Variants in KCNK1 observed in about 807,000 individuals in gnomAD.
KCNK1 encodes the protein potassium two pore domain channel subfamily K member 1.
KCNK1 carries 10 observed loss-of-function variants against 22.2 expected under a neutral mutation model. The observed-to-expected ratio is 0.45, with a 90% CI of 0.28 to 0.76. The LOEUF (loss-of-function observed/expected upper bound fraction) is 0.76. Among genes scored for constraint, KCNK1 ranks in the 30% least tolerant of loss-of-function variants. The pLI, the probability that KCNK1 is intolerant of heterozygous loss-of-function variation, is 0.14. For synonymous variants in KCNK1, 200 were observed against 186.4 expected, an observed-to-expected ratio of 1.07 and a Z score of -0.60; for missense variants, 378 against 421.0, an observed-to-expected ratio of 0.90 and a Z score of 0.89.
chr1:233,616,072 C>G (rs1657484120), intron 1 of KCNK1, among the ~76,000 whole-genome samples: 1 of 152,212 alleles, frequency 6.6e-6, no homozygotes, highest in African/African-American at 2.4e-5. Context: ...TTTACCTAGT[C>G]CTCTGTTCCT....
intron 1 of KCNK1, among the ~76,000 whole-genome samples, chr1:233,630,123 C>T (rs182112059): frequency 3.0e-3 from 456 of 152,156 alleles, no homozygotes; most frequent in Middle Eastern, 3.4e-3. Context: ...TGGATTCAGC[C>T]GTAAAATGAT....
chr1:233,634,170 G>A (rs1657856286), intron 1 of KCNK1, among the ~76,000 whole-genome samples: 1 of 151,960 alleles, frequency 6.6e-6, no homozygotes, highest in African/African-American at 2.4e-5. Flanking sequence ...GCTGGGTGTG[G>A]TGGAGGGTGC....
chr1:233,662,271 T>TCTC (rs58141865), intron 1 of KCNK1, among the ~76,000 whole-genome samples: 43 of 67,178 alleles, frequency 6.4e-4, no homozygotes, highest in Admixed American at 4.8e-3. Flanking sequence ...TTCTTCTTCT[T>TCTC]CTCCTCCTCC....
At chr1:233,617,901 G>A (rs776117891) in intron 1 of KCNK1, among the ~76,000 whole-genome samples, 1 of 152,090 alleles carries the variant, frequency 6.6e-6, no homozygotes, top group African/African-American at 2.4e-5. Context: ...CTGTGTTCCA[G>A]CCTGGACAAC....
rs74962165 is a variant in KCNK1, at chr1:233,627,811, T to G, written c.355+13285T>G. 3.0e-3 allele frequency among the ~76,000 whole-genome samples: 456 copies of G among 152,232 alleles called. 2 individuals are homozygous for G. Among genetic ancestry groups the G allele is most frequent in the African/African-American group, 0.01 (420 of 41,520 alleles). ...AAAAAAAACTAAAATTTTAAGAAAG[T>G]TGGGGAGCACAAAAAAGCAAATTTC... On this transcript the variant is annotated intron_variant, in intron 1 of 2. Transcript: ENST00000366621.
At chr1:233,635,118 T>A (rs1657875850) in intron 1 of KCNK1, among the ~76,000 whole-genome samples, 1 of 151,820 alleles carries the variant, frequency 6.6e-6, no homozygotes, top group East Asian at 1.9e-4. Flanking sequence ...AGTGTTTTTT[T>A]TCTTTTAGAA....
chr1:233,630,642 C>A (rs1427602240), intron 1 of KCNK1: 1 of 152,166 alleles, frequency 6.6e-6, no homozygotes, highest in South Asian at 2.1e-4. Context: ...TTTTTTTTAA[C>A]TACGCACAGA....
At chr1:233,638,117 C>A (rs1657935098) in intron 1 of KCNK1, among the ~76,000 whole-genome samples, 1 of 151,902 alleles carries the variant, frequency 6.6e-6, no homozygotes. Context: ...TGGCTATTCA[C>A]CTTTGTTAGC....
intron 1 of KCNK1, among the ~76,000 whole-genome samples, chr1:233,645,512 T>C (rs1463957021): frequency 1.3e-5 from 2 of 152,270 alleles, no homozygotes; most frequent in Admixed American, 1.3e-4. Context: ...AGTCACAAGC[T>C]AAGGAAGCCT....
intron 1 of KCNK1, among the ~76,000 whole-genome samples, chr1:233,623,443 A>G (rs1323381737): frequency 6.6e-6 from 1 of 152,230 alleles, no homozygotes; most frequent in East Asian, 1.9e-4. Flanking sequence ...AATGTTCCCA[A>G]CACAAAGAAA....
chr1:233,614,654 TC>T, intron 1 of KCNK1, 128 bp downstream of exon 1: 1 of 630,840 alleles, frequency 1.6e-6, no homozygotes, highest in Non-Finnish European at 2.4e-6. Flanking sequence ...TCCCGGCTCC[TC>T]CAGCCCGCCT....
rs570253447 is a variant in KCNK1 at position 233,640,821 on chromosome 1, C to T, written c.356-25774C>T. On this transcript the variant is annotated intron_variant, in intron 1 of 2. Coordinates refer to ENST00000366621, the MANE Select transcript of KCNK1 (RefSeq NM_002245.4). ...CCAGGTTCAAGTGATTCTCAGGCCT[C>T]GGCCTCCCATGTAGCTAAGATTAAA... is the stretch of plus-strand genomic sequence containing the variant. Among the ~76,000 whole-genome samples, 12 of 152,226 alleles carry T rather than the reference C, an allele frequency of 7.9e-5. No homozygotes were observed. The South Asian group carries it at 2.1e-3, about 26-fold the overall frequency.
At position 233,614,312 on chromosome 1, in the gene KCNK1, C is replaced by G. The variant is rs756601831; in HGVS notation, c.141C>G (p.Pro47=). Residue 47 remains proline (P), a synonymous_variant, in exon 1 of 3, where the codon CCC becomes CCG. Coordinates refer to ENST00000366621, the MANE Select transcript of KCNK1 (RefSeq NM_002245.4). ...GAVVFSSVEL[P]YEDLLRQELR... ...TGGTCTTCTCCTCGGTGGAGCTGCC[C>G]TATGAGGACCTGCTGCGCCAGGAGC... 6.2e-7 allele frequency: 1 copy of G among 1,612,416 alleles called. No individual in the cohort carries two copies. The highest frequency in any genetic ancestry group is 1.1e-5 in the South Asian group (1 of 90,612).
intron 1 of KCNK1, among the ~76,000 whole-genome samples, chr1:233,659,957 T>G (rs946293649): frequency 1.8e-4 from 27 of 152,322 alleles, no homozygotes; most frequent in African/African-American, 6.5e-4. Context: ...GAAGACACAG[T>G]ACTGCACACT....
Position 233,666,801 on chromosome 1 carries a change from G to A in KCNK1, c.562G>A (p.Gly188Arg). The A allele has an allele frequency of 6.2e-7, 1 of 1,614,212 alleles. No individual in the cohort carries two copies. Among genetic ancestry groups the A allele is most frequent in the Non-Finnish European group, 8.5e-7 (1 of 1,180,048 alleles). Residue 188 changes from glycine (G) to arginine (R), a missense_variant, in exon 2 of 3, where the codon GGG becomes AGG. Transcript: ENST00000366621. ...VVAIVHAVLL[G>R]FVTVSCFFFI... ...GGCCATCGTCCATGCCGTGCTCCTT[G>A]GGTTTGTCACTGTGTCCTGCTTCTT...
intron 1 of KCNK1, chr1:233,631,139 T>A (rs1278591924): frequency 4.8e-6 from 2 of 419,044 alleles, no homozygotes; most frequent in Non-Finnish European, 1.0e-5. Context: ...GCCTCATCTC[T>A]GGCTCTCAGA....
intron 1 of KCNK1, among the ~76,000 whole-genome samples, chr1:233,624,924 G>A (rs1014042618): frequency 1.3e-5 from 2 of 152,212 alleles, no homozygotes; most frequent in African/African-American, 4.8e-5. Context: ...CCTCCTGGAT[G>A]TGTCAGTCTG....
chr1:233,634,033 C>T (rs920926728), intron 1 of KCNK1, among the ~76,000 whole-genome samples: 2 of 152,052 alleles, frequency 1.3e-5, no homozygotes, highest in Middle Eastern at 3.2e-3. Flanking sequence ...TTGGGCCGGG[C>T]GCAGTGGCTT....
At chr1:233,614,669 C>G in intron 1 of KCNK1, 143 bp downstream of exon 1, 1 of 668,290 alleles carries the variant, frequency 1.5e-6, no homozygotes, top group Non-Finnish European at 2.5e-6. Flanking sequence ...CCCGCCTCCC[C>G]TCACTGTCCT....
Sources: allele counts gnomAD v4.1 joint callset (sites outside exome capture counted in the v4.1 genomes callset), GRCh38; gene constraint gnomAD v4.1.1; transcripts MANE v1.5; gene names NCBI Gene and HGNC (gene_info 2026-07-23, HGNC 2026-07-21).